The following SHANK2 variants were observed in gnomAD, a reference collection of about 807,000 sequenced individuals.
SHANK2 encodes the protein SH3 and multiple ankyrin repeat domains protein 2.
In SHANK2, 43 loss-of-function variants were observed where a neutral mutation model predicts 133.7. The observed-to-expected ratio is 0.32, with a 90% confidence interval of 0.25 to 0.41. The LOEUF (loss-of-function observed/expected upper bound fraction) is 0.41. Among genes scored for constraint, SHANK2 ranks in the 10% least tolerant of loss-of-function variants. The pLI, the probability that SHANK2 is intolerant of heterozygous loss-of-function variation, is 1.00. For synonymous variants in SHANK2, 1,017 were observed against 952.8 expected (o/e 1.07, Z -1.24); for missense variants, 1,994 against 2,235.8 (o/e 0.89, Z 2.18).
intron 17 of SHANK2, among the ~76,000 whole-genome samples, chr11:70,595,687 C>T (rs781906742): frequency 1.3e-5 from 2 of 152,220 alleles, no homozygotes; most frequent in Non-Finnish European, 2.9e-5. Context: ...GGCTTGCCAG[C>T]CCTTCCCCAG....
chr11:70,778,500 G>C (rs374294833), intron 14 of SHANK2, among the ~76,000 whole-genome samples: 50 of 152,322 alleles, frequency 3.3e-4, no homozygotes, highest in Middle Eastern at 6.8e-3. Context: ...AAGGACTTTA[G>C]AGAGGTAATT....
At chr11:70,734,391 C>T (rs373503318) in intron 14 of SHANK2, among the ~76,000 whole-genome samples, 10 of 152,288 alleles carry the variant, frequency 6.6e-5, no homozygotes, top group East Asian at 1.9e-4. Flanking sequence ...TCATGATGAG[C>T]GTGAGGGCGC....
rs568015675 is a variant in SHANK2 at position 70,792,494 on chromosome 11, A to G, written c.1777+5949T>C. Among the ~76,000 whole-genome samples the G allele has an allele frequency of 2.6e-5, 4 of 152,352 alleles. 1 individual carries two copies. The highest frequency in any genetic ancestry group is 1.9e-4 in the East Asian group (1 of 5,194). On this transcript the variant is annotated intron_variant, in intron 14 of 25. Transcript: ENST00000601538. ...CTGTTTGTTATCCCCAACCTCCAGC[A>G]ACTGTCATGAGGCTATGAGAATTCA...
At chr11:71,077,926 G>A (rs1477219376) in intron 8 of SHANK2, among the ~76,000 whole-genome samples, 1 of 152,060 alleles carries the variant, frequency 6.6e-6, no homozygotes, top group African/African-American at 2.4e-5. Flanking sequence ...TCCTAATATA[G>A]AGACTAATAA....
chr11:71,199,010 C>T (rs1555116665), intron 2 of SHANK2, among the ~76,000 whole-genome samples: 1 of 152,172 alleles, frequency 6.6e-6, no homozygotes, highest in Admixed American at 6.5e-5. Context: ...GCAATGGACA[C>T]GGGGCGGAGG....
At chr11:70,544,614 A>G (rs73522162) in intron 17 of SHANK2, among the ~76,000 whole-genome samples, 28,359 of 152,060 alleles carry the variant, frequency 0.19, 3,192 homozygotes, top group African/African-American at 0.29. Context: ...ATCCCATCCC[A>G]ACACCCCCTC....
At chr11:70,657,768 G>T (rs533697245) in intron 17 of SHANK2, among the ~76,000 whole-genome samples, 1 of 152,320 alleles carries the variant, frequency 6.6e-6, no homozygotes, top group Admixed American at 6.5e-5. Context: ...AAATCTATTT[G>T]CATACCAGAG....
chr11:70,612,706 T>C (rs934234293), intron 17 of SHANK2, among the ~76,000 whole-genome samples: 9 of 152,370 alleles, frequency 5.9e-5, no homozygotes, highest in Non-Finnish European at 1.2e-4. Flanking sequence ...TCCCGCGCTC[T>C]ATCTAGCACT....
intron 2 of SHANK2, among the ~76,000 whole-genome samples, chr11:71,218,111 T>TACCC (rs1565521832): frequency 6.6e-6 from 1 of 152,032 alleles, no homozygotes; most frequent in Non-Finnish European, 1.5e-5. Flanking sequence ...ACCTTGTGAT[T>TACCC]AGCCTTCCAA....
intron 15 of SHANK2, among the ~76,000 whole-genome samples, chr11:70,682,283 G>C (rs746478723): frequency 6.6e-6 from 1 of 152,190 alleles, no homozygotes. Context: ...CTGTCTACAC[G>C]AACCCATGGG....
chr11:70,924,704 G>T lies in SHANK2; in HGVS notation c.1108-28137C>A, dbSNP rs561799664. Among the ~76,000 whole-genome samples, 4 of 152,190 alleles carry T rather than the reference G, an allele frequency of 2.6e-5. No homozygotes were observed. The East Asian group carries it at 5.8e-4, about 22-fold the overall frequency. On this transcript the variant is annotated intron_variant, in intron 10 of 25. Coordinates refer to ENST00000601538, the MANE Select transcript of SHANK2 (RefSeq NM_012309.5). Reference sequence around the variant, plus strand: ...ACTCCTGACCTCAAGTGATCTGCCCGCCTTGACCCCCCAAAGTGCAGGGAT... The same window carrying T: ...ACTCCTGACCTCAAGTGATCTGCCCTCCTTGACCCCCCAAAGTGCAGGGAT...
At chr11:71,151,912 G>A (rs1370320324) in intron 2 of SHANK2, among the ~76,000 whole-genome samples, 33 of 152,124 alleles carry the variant, frequency 2.2e-4, no homozygotes, top group South Asian at 2.1e-4. Flanking sequence ...GATCGCAGAC[G>A]CCCACAAGAG....
chr11:70,912,154 C>T (rs1406366533), intron 10 of SHANK2, among the ~76,000 whole-genome samples: 1 of 148,234 alleles, frequency 6.7e-6, no homozygotes, highest in African/African-American at 2.5e-5. Flanking sequence ...GAAGAGAAGT[C>T]AGCTTATGAA....
intron 3 of SHANK2, among the ~76,000 whole-genome samples, chr11:71,121,334 C>T (rs1450681680): frequency 6.6e-6 from 1 of 152,154 alleles, no homozygotes; most frequent in African/African-American, 2.4e-5. Context: ...AATGCCCATA[C>T]CCTATGAATG....
intron 2 of SHANK2, among the ~76,000 whole-genome samples, chr11:71,167,204 G>C (rs1463852282): frequency 2.0e-5 from 3 of 152,102 alleles, no homozygotes; most frequent in East Asian, 3.9e-4. Context: ...ACACAGACAC[G>C]GCAACCATCC....
chr11:70,739,173 C>T lies in SHANK2; in HGVS notation c.1778-40410G>A, dbSNP rs1289114649. On this transcript the variant is annotated intron_variant, in intron 14 of 25. Coordinates refer to ENST00000601538, the MANE Select transcript of SHANK2 (RefSeq NM_012309.5). The surrounding 1 kb of genome is among the most constrained non-coding windows in gnomAD (Gnocchi z 4.3). ...GAGCCCCATCAGGAGCCTGACCCAC[C>T]AGCAACCAACTGAACCTCAGCCAGA... is the stretch of plus-strand genomic sequence containing the variant. Among the ~76,000 whole-genome samples the T allele has an allele frequency of 6.6e-6, 1 of 152,200 alleles. No homozygotes were observed. Among genetic ancestry groups the T allele is most frequent in the African/African-American group, 2.4e-5 (1 of 41,452 alleles).
At chr11:70,641,083 T>C (rs914757260) in intron 17 of SHANK2, among the ~76,000 whole-genome samples, 1 of 147,398 alleles carries the variant, frequency 6.8e-6, no homozygotes, top group Non-Finnish European at 1.5e-5. Flanking sequence ...TACTATGCTT[T>C]TTTTTCTTTT....
At chr11:71,183,546 G>A (rs1422619421) in intron 2 of SHANK2, among the ~76,000 whole-genome samples, 1 of 152,206 alleles carries the variant, frequency 6.6e-6, no homozygotes, top group Non-Finnish European at 1.5e-5. Context: ...GAGCAACTGC[G>A]ACACTGCTAG....
chr11:70,577,102 C>T (rs1013492342), intron 17 of SHANK2, among the ~76,000 whole-genome samples: 10 of 152,216 alleles, frequency 6.6e-5, no homozygotes, highest in East Asian at 1.9e-4. Flanking sequence ...CATCACCAGA[C>T]GCCAGCCTCT....
Sources: gnomAD v4.1 joint callset for allele counts (sites outside exome capture counted in the v4.1 genomes callset) on GRCh38, gnomAD v4.1.1 for gene constraint, Gnocchi (gnomAD v3.1) non-coding constraint, MANE v1.5 for transcripts, NCBI Gene and HGNC (gene_info 2026-07-23, HGNC 2026-07-21) for gene names.